Variants in MRPL48 observed in about 807,000 individuals in gnomAD.
MRPL48 encodes large ribosomal subunit protein mL48.
MRPL48 carries 16 observed loss-of-function variants against 32.9 expected under a neutral mutation model. That is an observed-to-expected ratio of 0.49 (90% CI 0.33 to 0.74). MRPL48 has a LOEUF of 0.74. Ranked by LOEUF, MRPL48 falls within the 30% of genes least tolerant of loss-of-function variation. The pLI, the probability that MRPL48 is intolerant of heterozygous loss-of-function variation, is 0.02. For missense variants in MRPL48, 206 were observed against 245.3 expected, an observed-to-expected ratio of 0.84 and a Z score of 1.07; for synonymous variants, 94 against 89.2, an observed-to-expected ratio of 1.05 and a Z score of -0.31.
At chr11:73,802,566 T>G (rs1947379062) in intron 1 of MRPL48, among the ~76,000 whole-genome samples, 1 of 152,242 alleles carries the variant, frequency 6.6e-6, no homozygotes, top group East Asian at 1.9e-4. Context: ...AATAGAATCA[T>G]GTAATATTTG....
intron 4 of MRPL48, among the ~76,000 whole-genome samples, chr11:73,830,925 C>T (rs1014278534): frequency 4.6e-5 from 7 of 151,562 alleles, no homozygotes; most frequent in East Asian, 1.9e-4. Context: ...CTGTAATGTC[C>T]GCCTTCCGGG....
At chr11:73,825,825 A>C in intron 4 of MRPL48, 29 bp downstream of exon 4, 1 of 1,532,954 alleles carries the variant, frequency 6.5e-7, no homozygotes, top group Non-Finnish European at 8.8e-7. Context: ...CTTTTGGAAA[A>C]GGATAATGTG....
chr11:73,794,182 C>CTCTA (rs1471876951), intron 1 of MRPL48, among the ~76,000 whole-genome samples: 4 of 101,288 alleles, frequency 3.9e-5, no homozygotes, highest in East Asian at 2.7e-4. Flanking sequence ...GAGTGAGACC[C>CTCTA]TGTATCTATC....
At chr11:73,858,900 C>T (rs1006853473) in intron 5 of MRPL48, among the ~76,000 whole-genome samples, 1 of 152,222 alleles carries the variant, frequency 6.6e-6, no homozygotes, top group Non-Finnish European at 1.5e-5. Flanking sequence ...GCAGGACCAA[C>T]ACTTGACTCC....
At chr11:73,801,474 G>A (rs1247437138) in intron 1 of MRPL48, among the ~76,000 whole-genome samples, 2 of 152,122 alleles carry the variant, frequency 1.3e-5, no homozygotes, top group Non-Finnish European at 2.9e-5. Context: ...ACTTTACAAA[G>A]TCTTTTAGTA....
intron 5 of MRPL48, among the ~76,000 whole-genome samples, chr11:73,853,982 G>A (rs1948445865): frequency 6.6e-6 from 1 of 152,072 alleles, no homozygotes; most frequent in African/African-American, 2.4e-5. Flanking sequence ...GAGCCACCGC[G>A]CTCGGCTGAG....
At chr11:73,799,671 A>G (rs907669100) in intron 1 of MRPL48, among the ~76,000 whole-genome samples, 1 of 152,164 alleles carries the variant, frequency 6.6e-6, no homozygotes, top group Non-Finnish European at 1.5e-5. Flanking sequence ...AAATTACTTA[A>G]TGGGTACAAT....
At chr11:73,796,489 G>A (rs1355065602) in intron 1 of MRPL48, among the ~76,000 whole-genome samples, 1 of 152,258 alleles carries the variant, frequency 6.6e-6, no homozygotes, top group Non-Finnish European at 1.5e-5. Flanking sequence ...AACAGGCATA[G>A]GAGGGAAGCC....
At position 73,790,654 on chromosome 11, in the gene MRPL48, G is replaced by A. The variant is rs146272467; in HGVS notation, c.21+2662G>A. Among the ~76,000 whole-genome samples, 767 of 152,006 alleles carry A rather than the reference G, an allele frequency of 5.0e-3. 7 individuals are homozygous for A. The highest frequency in any genetic ancestry group is 0.018 in the African/African-American group (731 of 41,478). On this transcript the variant is annotated intron_variant, in intron 1 of 7. Transcript: ENST00000310614. The stretch of plus-strand genomic sequence containing the variant: ...CCACCTTGGCCTCCCAAAGTGCTGG[G>A]ATTACAGGCTTGAGCAACCGTGCCT...
chr11:73,797,121 C>A (rs1337726883), intron 1 of MRPL48, among the ~76,000 whole-genome samples: 1 of 152,128 alleles, frequency 6.6e-6, no homozygotes, highest in Non-Finnish European at 1.5e-5. Flanking sequence ...TCGGGACAAC[C>A]GGCTGCAGAG....
At chr11:73,793,497 CAAAA>C (rs1565398448) in intron 1 of MRPL48, among the ~76,000 whole-genome samples, 1 of 152,148 alleles carries the variant, frequency 6.6e-6, no homozygotes. Context: ...TGAGCAGTCA[CAAAA>C]GTTTTCTTGA....
intron 3 of MRPL48, among the ~76,000 whole-genome samples, chr11:73,820,616 A>G (rs1947760854): frequency 6.6e-6 from 1 of 152,116 alleles, no homozygotes; most frequent in East Asian, 1.9e-4. Flanking sequence ...GCTGTGTGCT[A>G]CATTAGGGCC....
intron 3 of MRPL48, among the ~76,000 whole-genome samples, chr11:73,815,591 G>T (rs1947650376): frequency 6.6e-6 from 1 of 151,992 alleles, no homozygotes; most frequent in South Asian, 2.1e-4. Context: ...TAGGTTCAAG[G>T]GATCCTTCCA....
At chr11:73,821,792 C>G (rs1947788513) in intron 3 of MRPL48, among the ~76,000 whole-genome samples, 1 of 152,152 alleles carries the variant, frequency 6.6e-6, no homozygotes, top group African/African-American at 2.4e-5. Flanking sequence ...TGGTACCTAT[C>G]AAGCCTGCCA....
intron 5 of MRPL48, chr11:73,845,266 A>G (rs1014671280): frequency 4.0e-6 from 1 of 249,928 alleles, no homozygotes; most frequent in Non-Finnish European, 7.6e-6. Context: ...ATGAAATCAC[A>G]CAGTATGTAG....
chr11:73,810,841 G>A (rs1947554747), intron 3 of MRPL48, among the ~76,000 whole-genome samples: 1 of 152,026 alleles, frequency 6.6e-6, no homozygotes, highest in African/African-American at 2.4e-5. Context: ...ATAGTGTGGA[G>A]TGCCTGCAAA....
intron 3 of MRPL48, among the ~76,000 whole-genome samples, chr11:73,818,182 G>A (rs936671713): frequency 6.6e-6 from 1 of 152,140 alleles, no homozygotes; most frequent in Non-Finnish European, 1.5e-5. Flanking sequence ...AGTAGGGAAA[G>A]TGCCCCATTC....
chr11:73,850,441 A>G, intron 5 of MRPL48: 1 of 251,926 alleles, frequency 4.0e-6, no homozygotes, highest in Non-Finnish European at 7.8e-6. Flanking sequence ...CCAGTCCTTT[A>G]AAAAAAAAAT....
At chr11:73,791,084 C>T (rs1433118880) in intron 1 of MRPL48, among the ~76,000 whole-genome samples, 2 of 151,672 alleles carry the variant, frequency 1.3e-5, no homozygotes, top group Non-Finnish European at 2.9e-5. Context: ...CAGGGTTTTG[C>T]CATTTTGCCC....
Sources: gnomAD v4.1 joint callset for allele counts (sites outside exome capture counted in the v4.1 genomes callset) on GRCh38, gnomAD v4.1.1 for gene constraint, MANE v1.5 for transcripts, NCBI Gene and HGNC (gene_info 2026-07-23, HGNC 2026-07-21) for gene names.